IFT25: variants seen among roughly 807,000 people sequenced by gnomAD.
IFT25 encodes intraflagellar transport 25.
chr1:53,915,413 G>A, the IFT25 span, among the ~76,000 whole-genome samples: 1 of 152,060 alleles, frequency 6.6e-6, no homozygotes, highest in Non-Finnish European at 1.5e-5. Flanking sequence ...CTGAATGCAG[G>A]TGGCACTGCC....
At chr1:53,924,274 T>G in the IFT25 span, among the ~76,000 whole-genome samples, 29 of 152,178 alleles carry the variant, frequency 1.9e-4, no homozygotes, top group South Asian at 5.4e-3. Context: ...AAATCCCCCT[T>G]TCAAGAAAAA....
At chr1:53,938,253 ATGTATGTG>A in the IFT25 span, among the ~76,000 whole-genome samples, 4 of 152,246 alleles carry the variant, frequency 2.6e-5, no homozygotes, top group Admixed American at 1.3e-4. Flanking sequence ...ATGTGTTTAT[ATGTATGTG>A]TGTATGTGTG....
the IFT25 span, among the ~76,000 whole-genome samples, chr1:53,939,066 C>A: frequency 7.9e-6 from 1 of 126,450 alleles, no homozygotes; most frequent in South Asian, 2.6e-4. Context: ...AAGAGCGAAA[C>A]TCCGTCTCAA....
the IFT25 span, chr1:53,929,853 T>A: frequency 1.0e-6 from 1 of 975,806 alleles, no homozygotes; most frequent in Non-Finnish European, 1.4e-6. Context: ...TACCTCATAA[T>A]CCCCATCCTT....
chr1:53,946,056 G>C, the IFT25 span: 2 of 152,094 alleles, frequency 1.3e-5, no homozygotes, highest in Non-Finnish European at 2.9e-5. Flanking sequence ...CCCACAATCG[G>C]CCCCGCCCTC....
At chr1:53,938,730 T>C in the IFT25 span, among the ~76,000 whole-genome samples, 1 of 152,186 alleles carries the variant, frequency 6.6e-6, no homozygotes, top group Non-Finnish European at 1.5e-5. Context: ...CTGTTCATTG[T>C]ACATATACCA....
chr1:53,915,449 CA>C, the IFT25 span, among the ~76,000 whole-genome samples: 1 of 151,938 alleles, frequency 6.6e-6, no homozygotes, highest in African/African-American at 2.4e-5. Context: ...ATACTTGGGC[CA>C]TCATTAATAT....
At chr1:53,923,738 T>C in the IFT25 span, 4 of 549,084 alleles carry the variant, frequency 7.3e-6, no homozygotes, top group African/African-American at 3.9e-5. Flanking sequence ...TTTATGAATG[T>C]ACATTTAGCT....
chr1:53,943,930 GT>G, the IFT25 span, among the ~76,000 whole-genome samples: 1 of 152,154 alleles, frequency 6.6e-6, no homozygotes, highest in Non-Finnish European at 1.5e-5. Context: ...CGGATAACTT[GT>G]TTTTTAAAAG....
the IFT25 span, chr1:53,929,133 G>A: frequency 2.0e-5 from 3 of 152,276 alleles, no homozygotes; most frequent in Non-Finnish European, 4.4e-5. Context: ...ACTGGCTTCT[G>A]ATTGGATTGG....
At chr1:53,929,688 G>A in the IFT25 span, 3 of 170,534 alleles carry the variant, frequency 1.8e-5, no homozygotes, top group Admixed American at 6.3e-5. Flanking sequence ...GAATAAAGAT[G>A]TCATGGAATA....
chr1:53,934,357 T>C, the IFT25 span, among the ~76,000 whole-genome samples: 1 of 152,230 alleles, frequency 6.6e-6, no homozygotes, highest in Non-Finnish European at 1.5e-5. Context: ...CTTCCACTGT[T>C]TGTGATGTAA....
chr1:53,931,171 C>A, the IFT25 span, among the ~76,000 whole-genome samples: 2 of 152,140 alleles, frequency 1.3e-5, no homozygotes, highest in African/African-American at 4.8e-5. Flanking sequence ...TGTTTCCATT[C>A]GTGATTTTGT....
At chr1:53,928,358 G>T in the IFT25 span, 8 of 1,596,762 alleles carry the variant, frequency 5.0e-6, no homozygotes. Flanking sequence ...GAACAATGCT[G>T]GTGAAACACA....
At chr1:53,914,496 A>T in the IFT25 span, among the ~76,000 whole-genome samples, 1 of 151,978 alleles carries the variant, frequency 6.6e-6, no homozygotes, top group Non-Finnish European at 1.5e-5. Flanking sequence ...TAAAATTCAT[A>T]TCCCATTATA....
chr1:53,918,336 G>A, the IFT25 span, among the ~76,000 whole-genome samples: 1 of 152,196 alleles, frequency 6.6e-6, no homozygotes, highest in Non-Finnish European at 1.5e-5. Context: ...GATTTGAGGA[G>A]CCCTGCTACC....
At chr1:53,915,809 G>A in the IFT25 span, among the ~76,000 whole-genome samples, 3 of 152,188 alleles carry the variant, frequency 2.0e-5, no homozygotes, top group African/African-American at 7.2e-5. Flanking sequence ...ACAGCACAGT[G>A]GCAGTCAGGA....
At chr1:53,943,936 TAA>T in the IFT25 span, among the ~76,000 whole-genome samples, 2 of 152,212 alleles carry the variant, frequency 1.3e-5, no homozygotes, top group Non-Finnish European at 2.9e-5. Context: ...ACTTGTTTTT[TAA>T]AAGAGAGTTA....
At chr1:53,915,342 A>G in the IFT25 span, among the ~76,000 whole-genome samples, 1 of 152,286 alleles carries the variant, frequency 6.6e-6, no homozygotes, top group South Asian at 2.1e-4. Flanking sequence ...CTGTCCCTAT[A>G]AGGGTGAGAG....
Sources: gnomAD v4.1 joint callset for allele counts (sites outside exome capture counted in the v4.1 genomes callset) on GRCh38, gnomAD v4.1.1 for gene constraint, MANE v1.5 for transcripts, NCBI Gene and HGNC (gene_info 2026-07-23, HGNC 2026-07-21) for gene names.